The following IDUA variants were observed in gnomAD, a reference collection of about 807,000 sequenced individuals.
IDUA encodes iduronidase alpha-L-.
Under a neutral mutation model 68.9 loss-of-function variants are expected in IDUA, and 65 were observed. The observed-to-expected ratio is 0.94, with a 90% confidence interval of 0.77 to 1.16. IDUA has a LOEUF of 1.16. IDUA is among the 50% of genes most tolerant of loss of function. The pLI, the probability that IDUA is intolerant of heterozygous loss-of-function variation, is 0.00. For missense variants in IDUA, 1,046 were observed against 938.0 expected (o/e 1.12, Z -1.50); for synonymous variants, 529 against 433.6 (o/e 1.22, Z -2.73).
chr4:1,003,404 C>T lies in IDUA; in HGVS notation c.1584C>T (p.Pro528=), dbSNP rs1553917553. ...CCGGCGGCCGCCTGACCCTGCGCCC[C>T]GCGCTGCGGCTGCCGTCGCTTTTGC... is the stretch of plus-strand genomic sequence containing the variant. The part of the protein sequence containing the change: ...LPAGGRLTLR[P]ALRLPSLLLV... Residue 528 remains proline, a synonymous_variant, in exon 11 of 14, where the codon CCC becomes CCT. Coordinates refer to ENST00000514224, the MANE Select transcript of IDUA (RefSeq NM_000203.5). 3 of 1,525,242 alleles carry T rather than the reference C, an allele frequency of 2.0e-6. No homozygotes were observed. Among genetic ancestry groups the T allele is most frequent in the East Asian group, 5.0e-5 (2 of 39,890 alleles). The allele number at this position is 1,525,242 out of a possible 1,614,324, so 94.5% of individuals were successfully genotyped here.
At chr4:987,306 T>A in intron 1 of IDUA, 64 bp downstream of exon 1, 1 of 1,412,034 alleles carries the variant, frequency 7.1e-7, no homozygotes, top group Non-Finnish European at 9.5e-7. Context: ...GCCCCCTGAC[T>A]GCGCACTGTG....
chr4:998,581 C>T (rs1175789967), intron 2 of IDUA, among the ~76,000 whole-genome samples: 1 of 152,138 alleles, frequency 6.6e-6, no homozygotes, highest in African/African-American at 2.4e-5. Flanking sequence ...AGGCTGGCTG[C>T]TATTCCATTC....
At position 1,003,554 on chromosome 4, in the gene IDUA, G is replaced by A. The variant is rs1468485169; in HGVS notation, c.1656G>A (p.Thr552=). ...ARPEKPPGQV[T]RLRALPLTQG... ...ACAGCCCTTCCCTCCCCCAGGTCAC[G>A]CGGCTCCGCGCCCTGCCCCTGACCC... is the stretch of plus-strand genomic sequence containing the variant. Residue 552 remains threonine (T), a synonymous_variant, in exon 12 of 14, where the codon ACG becomes ACA. Transcript: ENST00000514224. 1.2e-6 allele frequency: 2 copies of A among 1,611,852 alleles called. No homozygotes were observed. The highest frequency in any genetic ancestry group is 1.7e-5 in the Admixed American group (1 of 59,998).
At position 1,003,079 on chromosome 4, in the gene IDUA, C is replaced by T. The variant is rs1186758596; in HGVS notation, c.1446C>T (p.Ser482=). 1.3e-6 allele frequency: 2 copies of T among 1,521,848 alleles called. No homozygotes were observed. The highest frequency in any genetic ancestry group is 8.7e-7 in the Non-Finnish European group (1 of 1,143,370). The allele number at this position is 1,521,848 out of a possible 1,614,324, so 94.3% of individuals were successfully genotyped here. A position where few individuals can be genotyped will look rare whatever the true frequency, so the allele number is the denominator to read the frequency against. The stretch of plus-strand genomic sequence containing the variant: ...GCTACCTGGACAACGGGCTCTGCAG[C>T]CCCGACGGCGAGTGGCGGCGCCTGG... ...VTRYLDNGLC[S]PDGEWRRLGR... is the part of the protein sequence containing the mutation. The change falls in exon 10 of 14, where the codon AGC becomes AGT. Residue 482 remains serine, a synonymous_variant. Transcript: ENST00000514224.
Position 987,114 on chromosome 4 carries a change from GCTGGCGCTC to G in IDUA, c.36_44del (p.Leu13_Ala15del). 6.9e-7 allele frequency: 1 copy of G among 1,447,358 alleles called. No homozygotes were observed. The highest frequency in any genetic ancestry group is 1.5e-5 in the African/African-American group (1 of 67,718). The allele number at this position is 1,447,358 out of a possible 1,614,324, so 89.7% of individuals were successfully genotyped here. Reference sequence around the variant, plus strand: ...GTCCCCTGCGCCCCCGCGCCGCGCTGCTGGCGCTCCTGGCCTCGCTCCTGGCCGCGCCCC... The same window carrying G: ...GTCCCCTGCGCCCCCGCGCCGCGCTGCTGGCCTCGCTCCTGGCCGCGCCCC... On this transcript the variant is annotated inframe_deletion, in exon 1 of 14. Transcript: ENST00000514224.
At chr4:998,214 G>C (rs927376199) in intron 2 of IDUA, among the ~76,000 whole-genome samples, 1 of 152,166 alleles carries the variant, frequency 6.6e-6, no homozygotes, top group African/African-American at 2.4e-5. Context: ...GAGCAGGTGG[G>C]GACCAGCAGA....
At position 988,064 on chromosome 4, in the gene IDUA, C is replaced by T. The variant is rs550476824; in HGVS notation, c.299+115C>T. The T allele has an allele frequency of 5.6e-5, 83 of 1,472,728 alleles. 1 individual carries two copies. The South Asian group carries it at 1.0e-3, about 18-fold the overall frequency. The allele number at this position is 1,472,728 out of a possible 1,614,324, so 91.2% of individuals were successfully genotyped here. ...TGTTCCCCCACCTCCCGCCGAAGCA[C>T]CCTGTTGGGGAGAGCGTGTCCTTGC... On this transcript the variant is annotated intron_variant, in intron 2 of 13. Coordinates refer to ENST00000514224, the MANE Select transcript of IDUA (RefSeq NM_000203.5).
At chr4:1,000,054 C>A (rs1414509675) in intron 2 of IDUA, 2 of 153,648 alleles carry the variant, frequency 1.3e-5, no homozygotes, top group African/African-American at 2.6e-5. Context: ...CGTGGGAATT[C>A]AGCCCCATCG....
chr4:1,003,825 G>A (rs1165786890), intron 12 of IDUA, 187 bp from the exon 13 acceptor site: 8 of 783,432 alleles, frequency 1.0e-5, no homozygotes, highest in South Asian at 3.0e-5. Flanking sequence ...TTCTCCTAGG[G>A]GACATGAGAT....
intron 2 of IDUA, chr4:988,656 G>T: frequency 7.1e-7 from 1 of 1,406,442 alleles, no homozygotes; most frequent in Non-Finnish European, 9.2e-7. Flanking sequence ...TGGGTCCTGC[G>T]TGTGATCAGA....
At chr4:991,775 G>T in intron 2 of IDUA, 1 of 1,529,482 alleles carries the variant, frequency 6.5e-7, no homozygotes, top group Admixed American at 2.0e-5. Flanking sequence ...CCCGGATCCA[G>T]GGCCAAACGA....
chr4:995,611 C>T (rs1423443313), intron 2 of IDUA, among the ~76,000 whole-genome samples: 2 of 152,248 alleles, frequency 1.3e-5, no homozygotes, highest in Non-Finnish European at 2.9e-5. Context: ...CTCTACTTCT[C>T]CTGTCCATGT....
intron 7 of IDUA, 52 bp from the exon 8 acceptor site, chr4:1,002,217 C>T (rs752153872): frequency 1.9e-6 from 3 of 1,575,044 alleles, no homozygotes; most frequent in African/African-American, 1.4e-5. Context: ...CGAGACGGGA[C>T]AGGCGAGCGG....
chr4:1,001,784 C>T lies in IDUA; in HGVS notation c.695C>T (p.Pro232Leu). Residue 232 changes from proline to leucine, a missense_variant, in exon 6 of 14, where the codon CCG becomes CTG. By Grantham distance (98) the Pro-to-Leu change is moderately conservative. Transcript: ENST00000514224. The stretch of plus-strand genomic sequence containing the variant: ...TCCTTCCACACCCCACCGCGATCCC[C>T]GCTGAGCTGGGGCCTCCTGCGCCAC... ...GDSFHTPPRS[P>L]LSWGLLRHCH... 1.2e-6 allele frequency: 2 copies of T among 1,603,508 alleles called. No individual in the cohort carries two copies. Among genetic ancestry groups the T allele is most frequent in the Non-Finnish European group, 1.7e-6 (2 of 1,177,894 alleles).
At chr4:990,940 A>G in intron 2 of IDUA, 1 of 597,450 alleles carries the variant, frequency 1.7e-6, no homozygotes. Flanking sequence ...CTGCATCCAC[A>G]GCCTCTCCGC....
chr4:987,552 T>C (rs1713831592), intron 1 of IDUA: 2 of 1,205,390 alleles, frequency 1.7e-6, no homozygotes, highest in African/African-American at 1.5e-5. Flanking sequence ...TCCTTCCACC[T>C]AGAGCTGAGG....
chr4:987,721 C>T (rs1450845645), intron 1 of IDUA, 88 bp from the exon 2 acceptor site: 43 of 1,584,084 alleles, frequency 2.7e-5, no homozygotes, highest in Middle Eastern at 4.0e-4. Flanking sequence ...ATCCTGCGCC[C>T]GGGCAGTCCT....
chr4:1,000,535 G>T (rs1474091405), intron 2 of IDUA, 77 bp from the exon 3 acceptor site: 1 of 1,166,752 alleles, frequency 8.6e-7, no homozygotes, highest in Non-Finnish European at 1.3e-6. Flanking sequence ...CACATGCTCC[G>T]TTGTGGCCAC....
intron 2 of IDUA, chr4:990,832 G>T: frequency 2.3e-6 from 1 of 432,070 alleles, no homozygotes; most frequent in Non-Finnish European, 4.1e-6. Context: ...GAGGCCACAT[G>T]GCCTCAGTCC....
Sources: gnomAD v4.1 joint callset for allele counts (sites outside exome capture counted in the v4.1 genomes callset) on GRCh38, gnomAD v4.1.1 for gene constraint, MANE v1.5 for transcripts, NCBI Gene and HGNC (gene_info 2026-07-23, HGNC 2026-07-21) for gene names.